Variants in PNPLA7 observed in about 807,000 individuals in gnomAD.
PNPLA7 encodes patatin-like phospholipase domain-containing protein 7.
Under a neutral mutation model 161.7 loss-of-function variants are expected in PNPLA7, and 153 were observed. The ratio of observed to expected loss-of-function variants is 0.95; its 90% CI spans 0.83 to 1.08. PNPLA7 has a LOEUF of 1.08. PNPLA7 is among the 50% of genes least tolerant of loss of function. The probability of loss-of-function intolerance (pLI) is 0.00; values close to 1 mark genes in which losing one functional copy is unlikely to be tolerated. For synonymous variants in PNPLA7, 809 were observed against 782.1 expected (o/e 1.03, Z -0.57); for missense variants, 1,739 against 1,856.6 (o/e 0.94, Z 1.16).
rs866547266 is a variant in PNPLA7 at position 137,460,637 on chromosome 9, G to A, written c.3942C>T (p.Asp1314=). Residue 1314 remains aspartate (D), a synonymous_variant, in exon 34 of 35, where the codon GAC becomes GAT. Coordinates refer to ENST00000406427, the MANE Select transcript of PNPLA7 (RefSeq NM_001098537.3). ...FQSTSAQQGS[D]LEDESSLRHR... is the part of the protein sequence containing the mutation. ...GGGACCATGCCCAGCTCCTCACCAA[G>A]TCTGAGCCCTGCTGGGCTGAGGTGC... 1.9e-6 allele frequency: 3 copies of A among 1,612,000 alleles called. No homozygotes were observed. The highest frequency in any genetic ancestry group is 2.5e-6 in the Non-Finnish European group (3 of 1,179,562).
At chr9:137,461,813 G>A in intron 32 of PNPLA7, 118 bp downstream of exon 32, 3 of 1,263,548 alleles carry the variant, frequency 2.4e-6, no homozygotes, top group African/African-American at 1.5e-5. Context: ...CTTTGGCCAG[G>A]GGGGCAGGGC....
rs1351560566 is a variant in PNPLA7 at position 137,523,285 on chromosome 9, A to T, written c.748-428T>A. Reference sequence around the variant, plus strand: ...CGGGCTTCCTAAAAAGGCCACCGAGAGGGTCAGGAGCCACCACTGTCAAAT... The same window carrying T: ...CGGGCTTCCTAAAAAGGCCACCGAGTGGGTCAGGAGCCACCACTGTCAAAT... On this transcript the variant is annotated intron_variant, in intron 8 of 34. Transcript: ENST00000406427. The surrounding 1 kb of genome is among the most constrained non-coding windows in gnomAD (Gnocchi z 4.4). 6.6e-6 allele frequency among the ~76,000 whole-genome samples: 1 copy of T among 151,942 alleles called. No homozygotes were observed. The highest frequency in any genetic ancestry group is 1.5e-5 in the Non-Finnish European group (1 of 67,982).
chr9:137,507,795 T>C (rs1834001195), intron 12 of PNPLA7, among the ~76,000 whole-genome samples: 1 of 152,196 alleles, frequency 6.6e-6, no homozygotes, highest in Non-Finnish European at 1.5e-5. Context: ...GGTATGCACC[T>C]GTGGTCCTTG....
At chr9:137,507,816 G>A (rs999802450) in intron 12 of PNPLA7, among the ~76,000 whole-genome samples, 2 of 152,206 alleles carry the variant, frequency 1.3e-5, no homozygotes, top group Non-Finnish European at 2.9e-5. Flanking sequence ...CTGCTCAAGA[G>A]GCCAAGCCGG....
At chr9:137,508,358 G>A (rs1315022118) in intron 12 of PNPLA7, among the ~76,000 whole-genome samples, 1 of 152,154 alleles carries the variant, frequency 6.6e-6, no homozygotes, top group Admixed American at 6.5e-5. Context: ...ACGAGGTCAG[G>A]AGATCGAGAC....
At chr9:137,484,524 G>C in intron 21 of PNPLA7, 63 bp downstream of exon 21, 2 of 1,489,418 alleles carry the variant, frequency 1.3e-6, no homozygotes, top group Non-Finnish European at 1.8e-6. Flanking sequence ...AGGGCAGCCG[G>C]CAGGCGCCCT....
Position 137,545,140 on chromosome 9 carries a change from C to T in PNPLA7, c.274-1325G>A, listed in dbSNP as rs558515305. 1.2e-4 allele frequency among the ~76,000 whole-genome samples: 19 copies of T among 152,156 alleles called. No individual in the cohort carries two copies. In the East Asian group the frequency reaches 1.5e-3, roughly 12 times the overall value. On this transcript the variant is annotated intron_variant, in intron 4 of 34. Transcript: ENST00000406427. ...CTCCGACAGCCCAATTGGCCAAAGA[C>T]GAGGAAGGGTTAAACCAAGGCTGCT...
chr9:137,480,942 G>A lies in PNPLA7; in HGVS notation c.2411+18C>T, dbSNP rs377193603. On this transcript the variant is annotated intron_variant, in intron 22 of 34. Transcript: ENST00000406427. The stretch of plus-strand genomic sequence containing the variant: ...TTGGGCCGGCTGGGAGGAAGGAGTC[G>A]GGGCTGGCGGCACGCACCTGTCCAG... 397 of 1,551,060 alleles carry A rather than the reference G, an allele frequency of 2.6e-4. 3 individuals are homozygous for A. The African/African-American group carries it at 3.8e-3, about 15-fold the overall frequency.
rs1834952744 is a variant in PNPLA7, at chr9:137,520,920, G to A, written c.957+716C>T. Among the ~76,000 whole-genome samples, 1 of 152,220 alleles carries A rather than the reference G, an allele frequency of 6.6e-6. No homozygotes were observed. The highest frequency in any genetic ancestry group is 1.5e-5 in the Non-Finnish European group (1 of 68,030). Reference sequence around the variant, plus strand: ...TGGCAACAGGGACCCCATGGGACGGGCATGGGGAGGGGCAGCCTCTGCTGG... The same window carrying A: ...TGGCAACAGGGACCCCATGGGACGGACATGGGGAGGGGCAGCCTCTGCTGG... On this transcript the variant is annotated intron_variant, in intron 10 of 34. Transcript: ENST00000406427. This position sits in a 1 kb window ranked among gnomAD's most constrained non-coding sequence, Gnocchi z 5.2.
intron 20 of PNPLA7, among the ~76,000 whole-genome samples, chr9:137,492,731 A>G (rs1345695636): frequency 4.9e-4 from 30 of 61,038 alleles, no homozygotes; most frequent in Non-Finnish European, 7.0e-4. Flanking sequence ...TCCAGAACAG[A>G]GCAGGGCTAT....
In PNPLA7 at chr9:137,493,100, A is replaced by G. The variant is rs777980909; in HGVS notation, c.2128-18T>C. ...GTCACCACCTGCGGGCAGACACAGG[A>G]GCCAAGAGCCACACGTTTTAAACTG... On this transcript the variant is annotated intron_variant, in intron 19 of 34. Transcript: ENST00000406427. 6.2e-7 allele frequency: 1 copy of G among 1,613,416 alleles called. No homozygotes were observed. Among genetic ancestry groups the G allele is most frequent in the South Asian group, 1.1e-5 (1 of 91,080 alleles).
intron 11 of PNPLA7, 50 bp downstream of exon 11, chr9:137,519,867 T>C: frequency 6.4e-7 from 1 of 1,572,754 alleles, no homozygotes; most frequent in Non-Finnish European, 8.6e-7. Context: ...GGGAGCAGGA[T>C]CCCCCGGACT....
At chr9:137,508,098 C>T (rs1397481551) in intron 12 of PNPLA7, among the ~76,000 whole-genome samples, 7 of 151,934 alleles carry the variant, frequency 4.6e-5, no homozygotes, top group Admixed American at 6.6e-5. Flanking sequence ...GAGGCTGAGG[C>T]GGGTGGATCA....
chr9:137,516,279 G>T, intron 11 of PNPLA7: 1 of 976,484 alleles, frequency 1.0e-6, no homozygotes, highest in South Asian at 4.7e-5. Flanking sequence ...CCTGGGATGG[G>T]CCACGCAGGG....
rs1326438936 is a variant in PNPLA7, at chr9:137,524,683, G to T, written c.748-1826C>A. ...TGCCGTGCTTTGCATTCTCACCAGC[G>T]GTGAGTGAGTTTCCATGGATGCCCT... On this transcript the variant is annotated intron_variant, in intron 8 of 34. Coordinates refer to ENST00000406427, the MANE Select transcript of PNPLA7 (RefSeq NM_001098537.3). This position sits in a 1 kb window ranked among gnomAD's most constrained non-coding sequence, Gnocchi z 4.4. 6.6e-5 allele frequency among the ~76,000 whole-genome samples: 10 copies of T among 152,150 alleles called. No individual in the cohort carries two copies. Among genetic ancestry groups the T allele is most frequent in the Admixed American group, 6.5e-4 (10 of 15,278 alleles).
At chr9:137,462,062 C>A in intron 31 of PNPLA7, 21 bp from the exon 32 acceptor site, 1 of 1,558,820 alleles carries the variant, frequency 6.4e-7, no homozygotes, top group Non-Finnish European at 8.7e-7. Context: ...CCCCAGGGCC[C>A]CGTCAGGAGG....
chr9:137,532,385 C>T (rs1356024009), intron 8 of PNPLA7, among the ~76,000 whole-genome samples: 1 of 152,118 alleles, frequency 6.6e-6, no homozygotes, highest in Non-Finnish European at 1.5e-5. Flanking sequence ...TGCAGTGAGC[C>T]AAGATCACGC....
At chr9:137,503,359 T>G (rs1295481866) in intron 14 of PNPLA7, among the ~76,000 whole-genome samples, 1 of 149,006 alleles carries the variant, frequency 6.7e-6, no homozygotes, top group East Asian at 2.0e-4. Flanking sequence ...CCAGGCTGGA[T>G]GACAAAGTGA....
At chr9:137,463,308 G>T in intron 29 of PNPLA7, 107 bp downstream of exon 29, 2 of 1,036,348 alleles carry the variant, frequency 1.9e-6, no homozygotes, top group Admixed American at 2.3e-5. Flanking sequence ...AGGAAAACGT[G>T]TTCCAGCCCA....
Sources: allele counts gnomAD v4.1 joint callset (sites outside exome capture counted in the v4.1 genomes callset), GRCh38; gene constraint gnomAD v4.1.1; non-coding constraint Gnocchi (gnomAD v3.1); transcripts MANE v1.5; gene names NCBI Gene and HGNC (gene_info 2026-07-23, HGNC 2026-07-21).